KIDINS220: variants seen among roughly 807,000 people sequenced by gnomAD.
The protein encoded by KIDINS220 is kinase D-interacting substrate of 220 kDa.
KIDINS220 carries 63 observed loss-of-function variants against 157.6 expected under a neutral mutation model. The observed-to-expected ratio is 0.40, with a 90% confidence interval of 0.33 to 0.49. The LOEUF (loss-of-function observed/expected upper bound fraction) is 0.49. Ranked by LOEUF, KIDINS220 falls within the 20% of genes least tolerant of loss-of-function variation. The pLI, the probability that KIDINS220 is intolerant of heterozygous loss-of-function variation, is 0.66. For synonymous variants in KIDINS220, 732 were observed against 783.6 expected (o/e 0.93, Z 1.10); for missense variants, 1,772 against 2,171.2 (o/e 0.82, Z 3.65).
chr2:8,740,196 G>T (rs925061205), intron 26 of KIDINS220: 1 of 981,654 alleles, frequency 1.0e-6, no homozygotes, highest in Non-Finnish European at 1.2e-6. Context: ...TTTAAGGAAG[G>T]AATAAAACAC....
intron 9 of KIDINS220, chr2:8,800,125 G>T (rs1674487679): frequency 6.3e-6 from 2 of 316,180 alleles, no homozygotes; most frequent in Non-Finnish European, 5.7e-6. Context: ...ACTCATTATA[G>T]TTCTGAGGAT....
chr2:8,791,075 G>A lies in KIDINS220; in HGVS notation c.1426C>T (p.Leu476Phe). The change falls in exon 13 of 30, where the codon CTC (leucine) becomes TTC (phenylalanine). Residue 476 changes from leucine to phenylalanine, a missense_variant. Leu to Phe is a conservative substitution (Grantham distance 22, BLOSUM62 0). Around this residue, in one of 3 missense-constraint regions of KIDINS220, gnomAD observed 725 missense variants for 1,017.1 expected, o/e 0.71. Transcript: ENST00000256707. ...AGCCCTTTACCTTCTAGTTTCTTGA[G>A]TAAGAAAGATTTCCCACTTCCCCAC... ...AQWGSGKSFL[L>F]KKLEDEMKTF... The A allele has an allele frequency of 6.2e-7, 1 of 1,613,150 alleles. No individual in the cohort carries two copies. The highest frequency in any genetic ancestry group is 8.5e-7 in the Non-Finnish European group (1 of 1,179,512).
At chr2:8,829,394 T>C (rs1193747447) in intron 1 of KIDINS220, among the ~76,000 whole-genome samples, 1 of 152,240 alleles carries the variant, frequency 6.6e-6, no homozygotes, top group Admixed American at 6.5e-5. Context: ...GAAAAACTAT[T>C]ATTTTAAAAA....
intron 22 of KIDINS220, among the ~76,000 whole-genome samples, chr2:8,767,687 A>T (rs1669658092): frequency 6.6e-6 from 1 of 152,226 alleles, no homozygotes; most frequent in Non-Finnish European, 1.5e-5. Context: ...AAGAGGTATG[A>T]GATGACTACA....
intron 2 of KIDINS220, among the ~76,000 whole-genome samples, chr2:8,826,402 A>G (rs1219568579): frequency 6.6e-6 from 1 of 152,130 alleles, no homozygotes; most frequent in Non-Finnish European, 1.5e-5. Flanking sequence ...TGAGGTCGGG[A>G]GTTCAAGACC....
At chr2:8,747,352 A>C (rs958161857) in intron 25 of KIDINS220, 151 bp from the exon 26 acceptor site, 7 of 650,542 alleles carry the variant, frequency 1.1e-5, no homozygotes, top group African/African-American at 9.2e-5. Context: ...ATATTAATAG[A>C]GAGTTTCTTT....
intron 9 of KIDINS220, among the ~76,000 whole-genome samples, chr2:8,799,906 AACT>A: frequency 6.6e-6 from 1 of 152,338 alleles, no homozygotes; most frequent in Non-Finnish European, 1.5e-5. Flanking sequence ...TGGTTCTATG[AACT>A]ATGATTGCCT....
intron 15 of KIDINS220, among the ~76,000 whole-genome samples, chr2:8,786,769 C>A (rs1023538840): frequency 2.6e-5 from 4 of 151,912 alleles, no homozygotes; most frequent in Admixed American, 6.6e-5. Context: ...AGACTCTAAC[C>A]CTGAAAAAAT....
chr2:8,785,600 C>CGAAT (rs1044982854), intron 17 of KIDINS220, 141 bp downstream of exon 17: 3 of 782,582 alleles, frequency 3.8e-6, no homozygotes, highest in African/African-American at 1.7e-5. Context: ...CTTGAATGAA[C>CGAAT]GAATGAATGA....
At chr2:8,751,146 G>A (rs1170922231) in intron 23 of KIDINS220, among the ~76,000 whole-genome samples, 2 of 111,778 alleles carry the variant, frequency 1.8e-5, no homozygotes, top group Admixed American at 1.4e-4. Flanking sequence ...ATGACTGTAT[G>A]TTAAAAGAAA....
chr2:8,749,399 C>T (rs183217844), intron 24 of KIDINS220: 6 of 455,898 alleles, frequency 1.3e-5, no homozygotes, highest in Non-Finnish European at 2.6e-5. Context: ...GAAAGTGTAA[C>T]CCCAGGTTCA....
chr2:8,741,412 C>G (rs1415230661), intron 26 of KIDINS220, among the ~76,000 whole-genome samples: 1 of 152,034 alleles, frequency 6.6e-6, no homozygotes, highest in Non-Finnish European at 1.5e-5. Flanking sequence ...ACTGAAAGTA[C>G]AAAAATTAGC....
intron 1 of KIDINS220, among the ~76,000 whole-genome samples, chr2:8,828,300 G>T (rs1221447139): frequency 1.3e-5 from 2 of 152,096 alleles, no homozygotes; most frequent in African/African-American, 2.4e-5. Context: ...AGGTCACCTG[G>T]TTACAAAGTC....
rs1280619344 is a variant in KIDINS220 at position 8,770,745 on chromosome 2, G to A, written c.2936C>T (p.Thr979Ile). 6.2e-7 allele frequency: 1 copy of A among 1,611,780 alleles called. No homozygotes were observed. ...INLTEQWPYR[T>I]SWLILYLEET... Reference sequence around the variant, plus strand: ...TTCCAAATATAATATGAGCCATGAAGTCCGGTATGGCCACTGCTCAGTAAG... The same window carrying A: ...TTCCAAATATAATATGAGCCATGAAATCCGGTATGGCCACTGCTCAGTAAG... Residue 979 changes from threonine (T) to isoleucine (I), a missense_variant, in exon 22 of 30, where the codon ACT (threonine) becomes ATT (isoleucine). Around this residue, in one of 3 missense-constraint regions of KIDINS220, gnomAD observed 725 missense variants for 1,017.1 expected, o/e 0.71. Transcript: ENST00000256707.
intron 26 of KIDINS220, 83 bp downstream of exon 26, chr2:8,747,062 G>A: frequency 8.2e-7 from 1 of 1,225,384 alleles, no homozygotes; most frequent in Admixed American, 1.7e-5. Context: ...TTAGTGAGCT[G>A]CTATCATCAC....
downstream of KIDINS220, chr2:8,721,473 C>T (rs535435129): frequency 1.3e-5 from 2 of 152,272 alleles, no homozygotes; most frequent in African/African-American, 4.8e-5. Flanking sequence ...TAAAACAAGA[C>T]TCTTTTTCTC....
intron 22 of KIDINS220, among the ~76,000 whole-genome samples, chr2:8,770,387 CAGAG>C (rs1238937124): frequency 2.6e-5 from 4 of 152,018 alleles, no homozygotes; most frequent in Non-Finnish European, 4.4e-5. Context: ...ACCCGGGTGA[CAGAG>C]AGAGATCCTG....
rs1212981392 is a variant in KIDINS220, at chr2:8,729,133, T to G, written c.*1587A>C. 1 of 984,134 alleles carries G rather than the reference T, an allele frequency of 1.0e-6. No individual in the cohort carries two copies. The highest frequency in any genetic ancestry group is 1.2e-6 in the Non-Finnish European group (1 of 828,342). 61.0% of individuals were successfully genotyped at this position (984,134 alleles called of 1,614,324 possible). A position where few individuals can be genotyped will look rare whatever the true frequency, so the allele number is the denominator to read the frequency against. On this transcript the variant is annotated 3_prime_UTR_variant, in exon 30 of 30. Coordinates refer to ENST00000256707, the MANE Select transcript of KIDINS220 (RefSeq NM_020738.4). ...AAATGTTAAAATGTTAAGACTTCAG[T>G]GTATAATGTCAATAACATCCTGCCT... is the stretch of plus-strand genomic sequence containing the variant.
intron 12 of KIDINS220, among the ~76,000 whole-genome samples, chr2:8,792,847 G>A (rs1217899459): frequency 6.6e-6 from 1 of 152,076 alleles, no homozygotes; most frequent in Non-Finnish European, 1.5e-5. Context: ...CTAAAAATAA[G>A]AGTCAATGGA....
Sources: allele counts gnomAD v4.1 joint callset (sites outside exome capture counted in the v4.1 genomes callset), GRCh38; gene constraint gnomAD v4.1.1; regional missense constraint gnomAD v4.1.1; transcripts MANE v1.5; gene names NCBI Gene and HGNC (gene_info 2026-07-23, HGNC 2026-07-21).